The following CSMD1 variants were observed in gnomAD, a reference collection of about 807,000 sequenced individuals.
CSMD1 encodes CUB and Sushi multiple domains 1, also known as CUB and sushi domain-containing protein 1.
A neutral mutation model predicts 417.5 loss-of-function variants in CSMD1; 213 were observed. That is an observed-to-expected ratio of 0.51 (90% CI 0.46 to 0.57). CSMD1 has a LOEUF of 0.57. Ranked by LOEUF, CSMD1 falls within the 20% of genes least tolerant of loss-of-function variation. The pLI is 0.00. For missense variants in CSMD1, 6,923 were observed against 4,529.7 expected (o/e 1.53, Z -15.17); for synonymous variants, 2,862 against 1,736.8 (o/e 1.65, Z -16.11).
At chr8:3,246,691 C>G (rs749067916) in intron 26 of CSMD1, among the ~76,000 whole-genome samples, 3 of 152,124 alleles carry the variant, frequency 2.0e-5, no homozygotes, top group African/African-American at 7.2e-5. Context: ...ATGCTGGCCT[C>G]GAACTCCTGA....
intron 3 of CSMD1, among the ~76,000 whole-genome samples, chr8:4,236,035 G>GTTTTTTTT (rs869046913): frequency 8.9e-5 from 10 of 112,656 alleles, no homozygotes; most frequent in African/African-American, 3.9e-4. Context: ...TGTTTTTTTT[G>GTTTTTTTT]TTTGTTTTTT....
rs150214261 is a variant in CSMD1, at chr8:3,594,977, G to A, written c.1098-8717C>T. Among the ~76,000 whole-genome samples the A allele has an allele frequency of 3.3e-5, 5 of 152,302 alleles. No homozygotes were observed. The East Asian group carries it at 9.6e-4, about 29-fold the overall frequency. On this transcript the variant is annotated intron_variant, in intron 8 of 69. Coordinates refer to ENST00000635120, the MANE Select transcript of CSMD1 (RefSeq NM_033225.6). ...TGTGGAAGAAGCCTCTGAACTGAAGGGCTTTAGGAAGAAAAACACAACCCG... is the reference window on the plus strand; with the variant it reads ...TGTGGAAGAAGCCTCTGAACTGAAGAGCTTTAGGAAGAAAAACACAACCCG...
rs188298051 is a variant in CSMD1 at position 4,605,523 on chromosome 8, T to C, written c.302+31819A>G. On this transcript the variant is annotated intron_variant, in intron 2 of 69. Transcript: ENST00000635120. ...TACCTAATTGACCAGGAAACAGAGT[T>C]AACAGAAAAATTACAATTACGCAAA... is the stretch of plus-strand genomic sequence containing the variant. 1.4e-3 allele frequency among the ~76,000 whole-genome samples: 217 copies of C among 152,304 alleles called. 1 individual carries two copies. Among genetic ancestry groups the C allele is most frequent in the African/African-American group, 5.0e-3 (207 of 41,560 alleles).
chr8:3,060,783 G>A (rs1812542839), intron 49 of CSMD1, among the ~76,000 whole-genome samples: 1 of 152,184 alleles, frequency 6.6e-6, no homozygotes, highest in East Asian at 1.9e-4. Context: ...ATCAGGTCAT[G>A]AGAGCTCTTT....
At chr8:4,524,366 A>G (rs758669145) in intron 2 of CSMD1, among the ~76,000 whole-genome samples, 102 of 152,140 alleles carry the variant, frequency 6.7e-4, no homozygotes, top group Non-Finnish European at 1.1e-3. Context: ...AAGAAGATGT[A>G]TTCCTCTGTT....
At chr8:4,712,605 T>C (rs185336101) in intron 1 of CSMD1, among the ~76,000 whole-genome samples, 18 of 152,342 alleles carry the variant, frequency 1.2e-4, no homozygotes, top group Non-Finnish European at 2.4e-4. Context: ...ATATTTAAGA[T>C]CTAGGATTTG....
chr8:3,165,890 G>A (rs1006908597), intron 37 of CSMD1, among the ~76,000 whole-genome samples: 2 of 152,056 alleles, frequency 1.3e-5, no homozygotes, highest in African/African-American at 4.8e-5. Flanking sequence ...GAATGGCTCC[G>A]AAACAGAAAA....
intron 3 of CSMD1, among the ~76,000 whole-genome samples, chr8:4,354,988 C>T (rs1222654930): frequency 6.6e-6 from 1 of 151,694 alleles, no homozygotes; most frequent in Non-Finnish European, 1.5e-5. Context: ...TGTGGCCAGG[C>T]ACGGTGGCTC....
Position 4,905,966 on chromosome 8 carries a change from C to T in CSMD1, c.85+88366G>A, listed in dbSNP as rs190375785. Among the ~76,000 whole-genome samples the T allele has an allele frequency of 8.2e-4, 125 of 152,256 alleles. 1 individual carries two copies. Among genetic ancestry groups the T allele is most frequent in the Middle Eastern group, 3.4e-3 (1 of 294 alleles). ...CCCAAACCCCCATTCATTCTTCCTG[C>T]CTTCAAATACTTTCGGCAACACCAC... is the stretch of plus-strand genomic sequence containing the variant. On this transcript the variant is annotated intron_variant, in intron 1 of 69. Coordinates refer to ENST00000635120, the MANE Select transcript of CSMD1 (RefSeq NM_033225.6).
At chr8:3,951,492 A>T (rs895124929) in intron 5 of CSMD1, among the ~76,000 whole-genome samples, 1 of 152,178 alleles carries the variant, frequency 6.6e-6, no homozygotes, top group Non-Finnish European at 1.5e-5. Context: ...TGCTTGAATA[A>T]CAACTGGTTG....
intron 3 of CSMD1, among the ~76,000 whole-genome samples, chr8:4,080,909 G>C (rs975635786): frequency 6.6e-6 from 1 of 152,124 alleles, no homozygotes; most frequent in Admixed American, 6.6e-5. Flanking sequence ...AGTATTAAGA[G>C]GCAGGGCCTT....
rs534528030 is a variant in CSMD1 at position 3,523,778 on chromosome 8, C to T, written c.1345-30052G>A. Among the ~76,000 whole-genome samples the T allele has an allele frequency of 6.6e-5, 10 of 151,662 alleles. No individual in the cohort carries two copies. In the East Asian group the frequency reaches 1.6e-3, roughly 24 times the overall value. The stretch of plus-strand genomic sequence containing the variant: ...GCACACACACATGCACACACATGCA[C>T]ACCCAGAGACATATGCACACATGTG... On this transcript the variant is annotated intron_variant, in intron 10 of 69. Coordinates refer to ENST00000635120, the MANE Select transcript of CSMD1 (RefSeq NM_033225.6).
In CSMD1 at chr8:4,856,203, C is replaced by T. The variant is rs186584923; in HGVS notation, c.85+138129G>A. Among the ~76,000 whole-genome samples, 7 of 53,722 alleles carry T rather than the reference C, an allele frequency of 1.3e-4. 1 individual carries two copies. The highest frequency in any genetic ancestry group is 3.0e-4 in the African/African-American group (7 of 23,122). The allele number at this position is 53,722 out of a possible 152,430, so 35.2% of individuals were successfully genotyped here. ...AAGGAGAAATAAAATCCTTTGCAGACAAGCAAATGCTGAGAGATTTTTGTC... is the reference window on the plus strand; with the variant it reads ...AAGGAGAAATAAAATCCTTTGCAGATAAGCAAATGCTGAGAGATTTTTGTC... On this transcript the variant is annotated intron_variant, in intron 1 of 69. Transcript: ENST00000635120.
At chr8:4,469,593 G>C (rs372539147) in intron 2 of CSMD1, among the ~76,000 whole-genome samples, 3 of 152,112 alleles carry the variant, frequency 2.0e-5, no homozygotes, top group East Asian at 1.9e-4. Context: ...CCTTGGAGTG[G>C]TCTTTGACTC....
intron 3 of CSMD1, among the ~76,000 whole-genome samples, chr8:4,328,370 G>C (rs1799677117): frequency 1.3e-5 from 2 of 151,352 alleles, no homozygotes; most frequent in East Asian, 3.9e-4. Context: ...ATAAGCTATG[G>C]AGGCATGATT....
At chr8:4,314,037 GATAATA>G (rs1044340334) in intron 3 of CSMD1, among the ~76,000 whole-genome samples, 3 of 147,384 alleles carry the variant, frequency 2.0e-5, no homozygotes, top group African/African-American at 7.8e-5. Context: ...TAATAATAAT[GATAATA>G]ATAATAATAA....
intron 3 of CSMD1, among the ~76,000 whole-genome samples, chr8:4,059,050 C>A (rs113290181): frequency 0.038 from 5,835 of 152,132 alleles, 353 homozygotes; most frequent in African/African-American, 0.12. Context: ...AAGTAAAGCT[C>A]TCCTCAGCAA....
At chr8:4,572,673 G>C (rs138597203) in intron 2 of CSMD1, among the ~76,000 whole-genome samples, 90 of 152,340 alleles carry the variant, frequency 5.9e-4, no homozygotes, top group Non-Finnish European at 1.1e-3. Context: ...TGTCTTGCTA[G>C]AGTGAGGAAG....
At chr8:3,182,681 G>GTGTGTGTGTGTGTGTGTA (rs1466854392) in intron 36 of CSMD1, among the ~76,000 whole-genome samples, 15 of 124,008 alleles carry the variant, frequency 1.2e-4, no homozygotes, top group African/African-American at 4.3e-4. Context: ...GAAGCTGTGT[G>GTGTGTGTGTGTGTGTGTA]TGTGTGTGTG....
Sources: gnomAD v4.1 joint callset for allele counts (sites outside exome capture counted in the v4.1 genomes callset) on GRCh38, gnomAD v4.1.1 for gene constraint, MANE v1.5 for transcripts, NCBI Gene and HGNC (gene_info 2026-07-23, HGNC 2026-07-21) for gene names.